FABP2: variants seen among roughly 807,000 people sequenced by gnomAD.
FABP2 encodes the protein fatty acid-binding protein, intestinal.
Under a neutral mutation model 16.1 loss-of-function variants are expected in FABP2, and 11 were observed. That is an observed-to-expected ratio of 0.68 (90% CI 0.43 to 1.13). The LOEUF is 1.13. FABP2 is among the 50% of genes most tolerant of loss of function. The pLI is 0.00. For synonymous variants in FABP2, 45 were observed against 50.9 expected (o/e 0.88, Z 0.49); for missense variants, 146 against 155.1 (o/e 0.94, Z 0.31).
rs138944087 is a variant in FABP2 at position 119,320,535 on chromosome 4, C to G, written c.240+135G>C. The G allele has an allele frequency of 8.2e-3, 5,454 of 665,294 alleles. 57 individuals carry two copies. Among genetic ancestry groups the G allele is most frequent in the South Asian group, 0.029 (1,346 of 47,002 alleles). The allele number at this position is 665,294 out of a possible 1,614,324, so 41.2% of individuals were successfully genotyped here. A position where few individuals can be genotyped will look rare whatever the true frequency, so the allele number is the denominator to read the frequency against. ...CAATTTGTGCAATATATAATGTAGA[C>G]AAACTTCATTGGCTTCTTCAGTTAG... On this transcript the variant is annotated intron_variant, in intron 2 of 3. Coordinates refer to ENST00000274024, the MANE Select transcript of FABP2 (RefSeq NM_000134.4).
Position 119,322,058 on chromosome 4 carries a change from A to G in FABP2, c.45T>C (p.Tyr15=), listed in dbSNP as rs769264740. 6.8e-6 allele frequency: 11 copies of G among 1,613,370 alleles called. No homozygotes were observed. In the Admixed American group the frequency reaches 1.8e-4, roughly 27 times the overall value. The change falls in exon 1 of 4, where the codon TAT becomes TAC. Residue 15 remains tyrosine (Y), a synonymous_variant. Coordinates refer to ENST00000274024, the MANE Select transcript of FABP2 (RefSeq NM_000134.4). ...TACCCATTTTTTCCATGAACTTGTC[A>G]TAGTTTTCACTCCGGTCTACCTTCC... ...STWKVDRSEN[Y]DKFMEKMGVN...
At position 119,318,886 on chromosome 4, in the gene FABP2, C is replaced by T; in HGVS notation, c.*155G>A. 1 of 518,524 alleles carries T rather than the reference C, an allele frequency of 1.9e-6. No homozygotes were observed. 32.1% of individuals were successfully genotyped at this position (518,524 alleles called of 1,614,324 possible). The stretch of plus-strand genomic sequence containing the variant: ...CAAATTAAATCCTAATTAGCTTTTA[C>T]TTCTTTTGCTTTGGCATGAATGGAA... On this transcript the variant is annotated 3_prime_UTR_variant, in exon 4 of 4. Coordinates refer to ENST00000274024, the MANE Select transcript of FABP2 (RefSeq NM_000134.4).
In FABP2 at chr4:119,318,966, G is replaced by T. The variant is rs937290779; in HGVS notation, c.*75C>A. The T allele has an allele frequency of 5.2e-6, 6 of 1,164,614 alleles. No homozygotes were observed. The highest frequency in any genetic ancestry group is 1.6e-5 in the African/African-American group (1 of 62,744). The allele number at this position is 1,164,614 out of a possible 1,614,324, so 72.1% of individuals were successfully genotyped here. On this transcript the variant is annotated 3_prime_UTR_variant, in exon 4 of 4. Transcript: ENST00000274024. Reference sequence around the variant, plus strand: ...AATCAGTAACCTTATACTTGATGGGGTGAAATAAATAGTTCTGGTACAATA... The same window carrying T: ...AATCAGTAACCTTATACTTGATGGGTTGAAATAAATAGTTCTGGTACAATA...
At position 119,319,099 on chromosome 4, in the gene FABP2, GT is replaced by G. The variant is rs1223896250; in HGVS notation, c.349-9del. ...TCCTTCATATACATAAGTCTGAAAG[GT>G]GTTAACAAACAGAAGAATTTATCTT... On this transcript the variant is annotated splice_polypyrimidine_tract_variant and intron_variant, in intron 3 of 3. Coordinates refer to ENST00000274024, the MANE Select transcript of FABP2 (RefSeq NM_000134.4). 1 of 1,572,578 alleles carries G rather than the reference GT, an allele frequency of 6.4e-7. No homozygotes were observed. The highest frequency in any genetic ancestry group is 1.9e-5 in the Admixed American group (1 of 53,526).
Position 119,320,649 on chromosome 4 carries a change from CA to C in FABP2, c.240+20del, listed in dbSNP as rs915602283. On this transcript the variant is annotated intron_variant, in intron 2 of 3. Coordinates refer to ENST00000274024, the MANE Select transcript of FABP2 (RefSeq NM_000134.4). ...GTAGAAAAATCAAGAATGCATTGCTCATAAAAAAAAAAATTCTTACCCTGAG... is the reference window on the plus strand; with the variant it reads ...GTAGAAAAATCAAGAATGCATTGCTCTAAAAAAAAAAATTCTTACCCTGAG... The C allele has an allele frequency of 2.0e-6, 3 of 1,529,728 alleles. No individual in the cohort carries two copies. The highest frequency in any genetic ancestry group is 2.3e-5 in the Admixed American group (1 of 44,236). The allele number at this position is 1,529,728 out of a possible 1,614,324, so 94.8% of individuals were successfully genotyped here. A position where few individuals can be genotyped will look rare whatever the true frequency, so the allele number is the denominator to read the frequency against.
In FABP2 at chr4:119,320,687, C is replaced by T. The variant is rs546773434; in HGVS notation, c.223G>A (p.Asp75Asn). Residue 75 changes from aspartate to asparagine, a missense_variant, in exon 2 of 4, where the codon GAC becomes AAC. Asp to Asn is a conservative substitution (Grantham distance 23, BLOSUM62 1). Transcript: ENST00000274024. ...LGVTFNYNLA[D>N]GTELRGTWSL... ...ATTCTTACCCTGAGTTCAGTTCCGT[C>T]TGCTAGATTGTAATTAAAGGTGACA... 1.7e-4 allele frequency: 275 copies of T among 1,584,416 alleles called. 3 individuals carry two copies. The South Asian group carries it at 2.9e-3, about 17-fold the overall frequency.
rs1755658670 is a variant in FABP2 at position 119,320,921 on chromosome 4, GTTTAT to G, written c.68-84_68-80del. 2.3e-5 allele frequency: 29 copies of G among 1,279,488 alleles called. No individual in the cohort carries two copies. In the South Asian group the frequency reaches 4.9e-4, roughly 22 times the overall value. 79.3% of individuals were successfully genotyped at this position (1,279,488 alleles called of 1,614,324 possible). On this transcript the variant is annotated intron_variant, in intron 1 of 3. Coordinates refer to ENST00000274024, the MANE Select transcript of FABP2 (RefSeq NM_000134.4). ...TATTTTTCCAAGTTATGTTTTGTTTGTTTATTTTGAGGGTGGGAAGAAAACTCGGT... is the reference window on the plus strand; with the variant it reads ...TATTTTTCCAAGTTATGTTTTGTTTGTTTGAGGGTGGGAAGAAAACTCGGT...
In FABP2 at chr4:119,318,210, G is replaced by A. The variant is rs1333544559; in HGVS notation, c.*831C>T. The stretch of plus-strand genomic sequence containing the variant: ...TTGGGAAATATCTGCCCCCAGGGAA[G>A]AGAGCTGAGAGGATATCTATCAAAA... On this transcript the variant is annotated 3_prime_UTR_variant, in exon 4 of 4. Coordinates refer to ENST00000274024, the MANE Select transcript of FABP2 (RefSeq NM_000134.4). The A allele has an allele frequency of 6.6e-6, 1 of 152,112 alleles. No individual in the cohort carries two copies. 9.4% of individuals were successfully genotyped at this position (152,112 alleles called of 1,614,324 possible).
intron 2 of FABP2, 33 bp from the exon 3 acceptor site, chr4:119,319,676 T>TAATAATAATAAG: frequency 1.0e-6 from 1 of 986,540 alleles, no homozygotes; most frequent in African/African-American, 1.7e-5. Context: ...ATAATAATAA[T>TAATAATAATAAG]AATGGCATTT....
At position 119,318,509 on chromosome 4, in the gene FABP2, G is replaced by T; in HGVS notation, c.*532C>A. ...AGGCCAGGGGTTCAAGACCAGCCTG[G>T]GCAATATAGCAAGACCCCATCTCTA... On this transcript the variant is annotated 3_prime_UTR_variant, in exon 4 of 4. Coordinates refer to ENST00000274024, the MANE Select transcript of FABP2 (RefSeq NM_000134.4). The T allele has an allele frequency of 6.6e-6, 1 of 152,126 alleles. No homozygotes were observed. The highest frequency in any genetic ancestry group is 2.0e-4 in the South Asian group (1 of 4,914). The allele number at this position is 152,126 out of a possible 1,614,324, so 9.4% of individuals were successfully genotyped here.
At position 119,317,956 on chromosome 4, in the gene FABP2, T is replaced by C. The variant is rs990692255; in HGVS notation, c.*1085A>G. On this transcript the variant is annotated 3_prime_UTR_variant, in exon 4 of 4. Coordinates refer to ENST00000274024, the MANE Select transcript of FABP2 (RefSeq NM_000134.4). ...CTCAAAGACAAGTTAGTGGACAGGC[T>C]GCATCAGAATCACCAGGAAATTTTC... is the stretch of plus-strand genomic sequence containing the variant. 2 of 152,106 alleles carry C rather than the reference T, an allele frequency of 1.3e-5. No homozygotes were observed. Among genetic ancestry groups the C allele is most frequent in the Non-Finnish European group, 2.9e-5 (2 of 67,978 alleles). 9.4% of individuals were successfully genotyped at this position (152,106 alleles called of 1,614,324 possible). A position where few individuals can be genotyped will look rare whatever the true frequency, so the allele number is the denominator to read the frequency against.
Position 119,320,764 on chromosome 4 carries a change from G to A in FABP2, c.146C>T (p.Thr49Ile). The change falls in exon 2 of 4, where the codon ACA becomes ATA. Residue 49 changes from threonine (T) to isoleucine (I), a missense_variant. Transcript: ENST00000274024. ...TCGAAAAGTGCTTGATTCTTTGACT[G>A]TGAATTTATTTCCTTCTTGTGTAAT... Reference protein sequence around the residue: ...LTITQEGNKFTVKESSTFRNI... With the variant: ...LTITQEGNKFIVKESSTFRNI... 1 of 1,605,286 alleles carries A rather than the reference G, an allele frequency of 6.2e-7. No individual in the cohort carries two copies. Among genetic ancestry groups the A allele is most frequent in the Non-Finnish European group, 8.5e-7 (1 of 1,177,056 alleles).
At position 119,321,028 on chromosome 4, in the gene FABP2, A is replaced by T. The variant is rs182504816; in HGVS notation, c.68-186T>A. The stretch of plus-strand genomic sequence containing the variant: ...TCAATCAGATCAAGAGAACTGATTA[A>T]AGTTGTTTTTCCATAACTTGAGAAA... On this transcript the variant is annotated intron_variant, in intron 1 of 3. Transcript: ENST00000274024. Among the ~76,000 whole-genome samples the T allele has an allele frequency of 3.2e-3, 485 of 152,260 alleles. 1 individual carries two copies. Among genetic ancestry groups the T allele is most frequent in the African/African-American group, 0.011 (453 of 41,576 alleles).
Position 119,318,790 on chromosome 4 carries a change from G to T in FABP2, c.*251C>A. On this transcript the variant is annotated 3_prime_UTR_variant, in exon 4 of 4. Coordinates refer to ENST00000274024, the MANE Select transcript of FABP2 (RefSeq NM_000134.4). Reference sequence around the variant, plus strand: ...AGGCTACATATAAAGCAACATGGACGCAATATTTATTTTTGTTTTTTAAAA... The same window carrying T: ...AGGCTACATATAAAGCAACATGGACTCAATATTTATTTTTGTTTTTTAAAA... 1 of 356,492 alleles carries T rather than the reference G, an allele frequency of 2.8e-6. No individual in the cohort carries two copies. The highest frequency in any genetic ancestry group is 5.1e-6 in the Non-Finnish European group (1 of 196,938). 22.1% of individuals were successfully genotyped at this position (356,492 alleles called of 1,614,324 possible). A position where few individuals can be genotyped will look rare whatever the true frequency, so the allele number is the denominator to read the frequency against.
rs1008010738 is a variant in FABP2 at position 119,320,650 on chromosome 4, A to T, written c.240+20T>A. Reference sequence around the variant, plus strand: ...TAGAAAAATCAAGAATGCATTGCTCATAAAAAAAAAAATTCTTACCCTGAG... The same window carrying T: ...TAGAAAAATCAAGAATGCATTGCTCTTAAAAAAAAAAATTCTTACCCTGAG... On this transcript the variant is annotated intron_variant, in intron 2 of 3. Transcript: ENST00000274024. The T allele has an allele frequency of 1.9e-5, 29 of 1,538,260 alleles. No homozygotes were observed. Among genetic ancestry groups the T allele is most frequent in the Admixed American group, 2.2e-5 (1 of 44,560 alleles).
rs71595363 is a variant in FABP2, at chr4:119,319,647, C to CATAATA, written c.241-10_241-5dup. 0.025 allele frequency: 19,808 copies of CATAATA among 793,468 alleles called. 291 individuals carry two copies. The highest frequency in any genetic ancestry group is 0.05 in the Middle Eastern group (123 of 2,446). 49.2% of individuals were successfully genotyped at this position (793,468 alleles called of 1,614,324 possible). On this transcript the variant is annotated splice_polypyrimidine_tract_variant and splice_region_variant and intron_variant, in intron 2 of 3. Transcript: ENST00000274024. ...TTCCCTCAAGGCTCCAGGTCCCCTA[C>CATAATA]ATAATAATAATAATAATAATAATAA...
chr4:119,319,544 G>C lies in FABP2; in HGVS notation c.340C>G (p.Leu114Val). ...TAAATTTGACAACTCACCTGGACTAGTTCATCACCTATAATTTCTCGGACA... is the reference window on the plus strand; with the variant it reads ...TAAATTTGACAACTCACCTGGACTACTTCATCACCTATAATTTCTCGGACA... ...NTVREIIGDE[L>V]VQTYVYEGVE... is the part of the protein sequence containing the mutation. The change falls in exon 3 of 4, where the codon CTA becomes GTA. Residue 114 changes from leucine to valine, a missense_variant. By Grantham distance (32) the Leu-to-Val change is conservative (BLOSUM62 1). Transcript: ENST00000274024. The C allele has an allele frequency of 1.3e-6, 2 of 1,560,912 alleles. No homozygotes were observed. Among genetic ancestry groups the C allele is most frequent in the Non-Finnish European group, 1.7e-6 (2 of 1,151,682 alleles).
chr4:119,320,863 G>C (rs751565173), intron 1 of FABP2, 21 bp from the exon 2 acceptor site: 1 of 1,519,226 alleles, frequency 6.6e-7, no homozygotes, highest in Non-Finnish European at 8.7e-7. Context: ...TAAGACAATG[G>C]AGAAAATAAA....
Position 119,319,647 on chromosome 4 carries a change from C to CATCATAATA in FABP2, c.241-5_241-4insTATTATGAT, listed in dbSNP as rs1553986027. On this transcript the variant is annotated splice_polypyrimidine_tract_variant and splice_region_variant and intron_variant, in intron 2 of 3. Coordinates refer to ENST00000274024, the MANE Select transcript of FABP2 (RefSeq NM_000134.4). ...TTCCCTCAAGGCTCCAGGTCCCCTA[C>CATCATAATA]ATAATAATAATAATAATAATAATAA... 3.6e-4 allele frequency: 284 copies of CATCATAATA among 798,128 alleles called. 3 individuals are homozygous for CATCATAATA. The highest frequency in any genetic ancestry group is 2.8e-3 in the Middle Eastern group (7 of 2,462). The allele number at this position is 798,128 out of a possible 1,614,324, so 49.4% of individuals were successfully genotyped here.
Sources: gnomAD v4.1 joint callset for allele counts (sites outside exome capture counted in the v4.1 genomes callset) on GRCh38, gnomAD v4.1.1 for gene constraint, MANE v1.5 for transcripts, NCBI Gene and HGNC (gene_info 2026-07-23, HGNC 2026-07-21) for gene names.